Variants in FAM227B observed in about 807,000 individuals in gnomAD.
FAM227B encodes protein FAM227B.
Under a neutral mutation model 73.8 loss-of-function variants are expected in FAM227B, and 88 were observed. The observed-to-expected ratio is 1.19, with a 90% CI of 1.00 to 1.42. The LOEUF (loss-of-function observed/expected upper bound fraction) is 1.42. Ranked by LOEUF, FAM227B falls within the 40% of genes most tolerant of loss-of-function variation. The probability of loss-of-function intolerance (pLI) is 0.00; values close to 1 mark genes in which losing one functional copy is unlikely to be tolerated. For missense variants in FAM227B, 632 were observed against 590.9 expected (o/e 1.07, Z -0.72); for synonymous variants, 210 against 190.5 (o/e 1.10, Z -0.84).
intron 10 of FAM227B, among the ~76,000 whole-genome samples, chr15:49,533,372 T>C (rs2060764638): frequency 6.6e-6 from 1 of 151,964 alleles, no homozygotes; most frequent in Admixed American, 6.6e-5. Flanking sequence ...ATGTTCTGTA[T>C]ATGTCTGTTA....
chr15:49,445,551 T>G (rs1157695544), intron 11 of FAM227B, among the ~76,000 whole-genome samples: 3 of 151,568 alleles, frequency 2.0e-5, no homozygotes, highest in African/African-American at 7.3e-5. Flanking sequence ...CTAGTTTGGT[T>G]CAGATAAATG....
At chr15:49,355,150 C>G (rs1322300208) in intron 13 of FAM227B, among the ~76,000 whole-genome samples, 1 of 151,774 alleles carries the variant, frequency 6.6e-6, no homozygotes, top group African/African-American at 2.4e-5. Context: ...AAAAACAGAA[C>G]AGAAAAACTG....
At chr15:49,447,925 C>T (rs1179288823) in intron 11 of FAM227B, among the ~76,000 whole-genome samples, 4 of 151,616 alleles carry the variant, frequency 2.6e-5, no homozygotes, top group East Asian at 1.9e-4. Flanking sequence ...TCCTCAGGCT[C>T]GTGTCCTTTA....
intron 11 of FAM227B, among the ~76,000 whole-genome samples, chr15:49,463,223 T>C (rs1567324929): frequency 6.6e-6 from 1 of 152,186 alleles, no homozygotes; most frequent in Non-Finnish European, 1.5e-5. Flanking sequence ...AGTATTTTTC[T>C]AAACTTTTCA....
chr15:49,474,886 C>A (rs35715933), intron 11 of FAM227B, among the ~76,000 whole-genome samples: 29,181 of 152,110 alleles, frequency 0.19, 3,594 homozygotes, highest in East Asian at 0.38. Context: ...AACCTCCCCC[C>A]GGCTCCCGTC....
rs1427264214 is a variant in FAM227B at position 49,334,328 on chromosome 15, AATGCAGGCATT to A, written c.1349+1080_1349+1090del. On this transcript the variant is annotated intron_variant, in intron 14 of 15. Coordinates refer to ENST00000299338, the MANE Select transcript of FAM227B (RefSeq NM_152647.3). The stretch of plus-strand genomic sequence containing the variant: ...AAAGTTTGAAGTTAAATTTTAAAAT[AATGCAGGCATT>A]ACTAATTGGGAAAGAATAAATCAAC... 3 of 675,896 alleles carry A rather than the reference AATGCAGGCATT, an allele frequency of 4.4e-6. No homozygotes were observed. In the Admixed American group the frequency reaches 1.9e-4, roughly 43 times the overall value. 41.9% of individuals were successfully genotyped at this position (675,896 alleles called of 1,614,324 possible). A position where few individuals can be genotyped will look rare whatever the true frequency, so the allele number is the denominator to read the frequency against.
At chr15:49,521,361 G>A (rs368536213) in intron 10 of FAM227B, among the ~76,000 whole-genome samples, 1 of 152,178 alleles carries the variant, frequency 6.6e-6, no homozygotes, top group Admixed American at 6.5e-5. Context: ...GGAAACATGG[G>A]TGTGTGGTGA....
At chr15:49,367,088 ACT>A (rs752745972) in intron 13 of FAM227B, among the ~76,000 whole-genome samples, 2 of 152,272 alleles carry the variant, frequency 1.3e-5, no homozygotes, top group Non-Finnish European at 2.9e-5. Flanking sequence ...CATGCCTAAA[ACT>A]CTCTTTGGAG....
Position 49,566,071 on chromosome 15 carries a change from CT to C in FAM227B, c.747+2173del, listed in dbSNP as rs2074634321. Among the ~76,000 whole-genome samples the C allele has an allele frequency of 1.3e-5, 2 of 152,138 alleles. 1 individual carries two copies. Among genetic ancestry groups the C allele is most frequent in the South Asian group, 4.1e-4 (2 of 4,832 alleles). ...CAGCTAAGAAAATTAATTTCTATTG[CT>C]TTAAGCCACTAAATATATAATTTTT... is the stretch of plus-strand genomic sequence containing the variant. On this transcript the variant is annotated intron_variant, in intron 9 of 15. Transcript: ENST00000299338.
intron 11 of FAM227B, among the ~76,000 whole-genome samples, chr15:49,476,094 T>G (rs1007820527): frequency 6.6e-6 from 1 of 152,136 alleles, no homozygotes; most frequent in African/African-American, 2.4e-5. Context: ...GTTTCCATCT[T>G]TTCTACCTAT....
chr15:49,433,642 A>G (rs919134685), intron 11 of FAM227B, among the ~76,000 whole-genome samples: 2 of 151,660 alleles, frequency 1.3e-5, no homozygotes, highest in African/African-American at 4.8e-5. Flanking sequence ...GGTGATTTCA[A>G]GGAACTGGTG....
At chr15:49,527,531 A>G (rs776193261) in intron 10 of FAM227B, among the ~76,000 whole-genome samples, 42 of 151,992 alleles carry the variant, frequency 2.8e-4, no homozygotes, top group Non-Finnish European at 4.4e-4. Flanking sequence ...AGCGAGAAAT[A>G]ATAGAAGACA....
intron 10 of FAM227B, among the ~76,000 whole-genome samples, chr15:49,529,397 A>C (rs2060447131): frequency 6.6e-6 from 1 of 151,732 alleles, no homozygotes. Flanking sequence ...TGATAGGTTT[A>C]CTAGAAGCCC....
chr15:49,477,017 G>T (rs369372306), intron 11 of FAM227B, among the ~76,000 whole-genome samples: 5 of 148,938 alleles, frequency 3.4e-5, no homozygotes, highest in African/African-American at 1.3e-4. Context: ...CGGAGATCCC[G>T]CCACTGCACT....
chr15:49,464,234 T>C (rs1446158964), intron 11 of FAM227B, among the ~76,000 whole-genome samples: 1 of 151,908 alleles, frequency 6.6e-6, no homozygotes, highest in African/African-American at 2.4e-5. Context: ...TCTGACACTT[T>C]ATTTCCCGAA....
chr15:49,364,588 A>T (rs1346551950), intron 13 of FAM227B, among the ~76,000 whole-genome samples: 1 of 148,054 alleles, frequency 6.8e-6, no homozygotes, highest in African/African-American at 2.4e-5. Flanking sequence ...ATTGGGTTTT[A>T]AAAAAACATA....
At chr15:49,489,860 T>TTATATATA (rs796167274) in intron 11 of FAM227B, among the ~76,000 whole-genome samples, 1 of 6,812 alleles carries the variant, frequency 1.5e-4, no homozygotes, top group African/African-American at 3.3e-4. Flanking sequence ...TATATATATT[T>TTATATATA]TATATATATA....
intron 11 of FAM227B, among the ~76,000 whole-genome samples, chr15:49,436,460 C>T (rs1255858400): frequency 6.6e-6 from 1 of 151,516 alleles, no homozygotes; most frequent in Non-Finnish European, 1.5e-5. Context: ...AAAAATGAGA[C>T]ATTCTTAAGT....
chr15:49,334,674 C>T (rs1471075975), intron 14 of FAM227B, among the ~76,000 whole-genome samples: 1 of 152,122 alleles, frequency 6.6e-6, no homozygotes, highest in Non-Finnish European at 1.5e-5. Context: ...AGCAGGGGCG[C>T]AGGCTTTTAG....
Sources: allele counts gnomAD v4.1 joint callset (sites outside exome capture counted in the v4.1 genomes callset), GRCh38; gene constraint gnomAD v4.1.1; transcripts MANE v1.5; gene names NCBI Gene and HGNC (gene_info 2026-07-23, HGNC 2026-07-21).